MGAT4C: variants seen among roughly 807,000 people sequenced by gnomAD.
The protein encoded by MGAT4C is MGAT4 family member C, also known as alpha-1,3-mannosyl-glycoprotein 4-beta-N-acetylglucosaminyltransferase C.
Under a neutral mutation model 40.1 loss-of-function variants are expected in MGAT4C, and 19 were observed. That is an observed-to-expected ratio of 0.47 (90% CI 0.33 to 0.70). The LOEUF is 0.70. Among genes scored for constraint, MGAT4C ranks in the 30% least tolerant of loss-of-function variants. MGAT4C has a pLI of 0.02. For missense variants in MGAT4C, 491 were observed against 563.2 expected, an observed-to-expected ratio of 0.87 and a Z score of 1.30; for synonymous variants, 181 against 187.1, an observed-to-expected ratio of 0.97 and a Z score of 0.27.
At chr12:86,539,895 T>G in intron 2 of MGAT4C, among the ~76,000 whole-genome samples, 1 of 152,230 alleles carries the variant, frequency 6.6e-6, no homozygotes, top group Non-Finnish European at 1.5e-5. Flanking sequence ...GTAAATTTGT[T>G]TAAGTTCTTT....
At chr12:86,092,708 G>A (rs552194405) in intron 1 of MGAT4C, among the ~76,000 whole-genome samples, 5 of 152,024 alleles carry the variant, frequency 3.3e-5, no homozygotes, top group Admixed American at 1.3e-4. Flanking sequence ...TAGACCCATC[G>A]TCTCTTTATC....
chr12:86,189,777 A>G (rs760371532), intron 1 of MGAT4C, among the ~76,000 whole-genome samples: 1 of 152,022 alleles, frequency 6.6e-6, no homozygotes, highest in African/African-American at 2.4e-5. Flanking sequence ...AGTTGTGGAA[A>G]AACATGGGTA....
chr12:86,304,247 TG>T (rs1480212396), intron 4 of MGAT4C, among the ~76,000 whole-genome samples: 1 of 150,678 alleles, frequency 6.6e-6, no homozygotes, highest in Non-Finnish European at 1.5e-5. Flanking sequence ...AAGCTTTTTT[TG>T]TTGCAAACTT....
At chr12:86,743,653 G>A (rs543184193) in intron 1 of MGAT4C, among the ~76,000 whole-genome samples, 1 of 151,432 alleles carries the variant, frequency 6.6e-6, no homozygotes, top group Non-Finnish European at 1.5e-5. Context: ...TTTACAGATT[G>A]TTAAACAAAG....
At chr12:86,140,555 G>A (rs1273726110) in intron 1 of MGAT4C, among the ~76,000 whole-genome samples, 1 of 152,066 alleles carries the variant, frequency 6.6e-6, no homozygotes, top group Non-Finnish European at 1.5e-5. Context: ...AATACCTAAT[G>A]TAGATGACGG....
At chr12:86,137,607 T>C (rs1280715779) in intron 1 of MGAT4C, among the ~76,000 whole-genome samples, 1 of 152,200 alleles carries the variant, frequency 6.6e-6, no homozygotes, top group African/African-American at 2.4e-5. Flanking sequence ...TCAAGAAAAG[T>C]ATTTAACAAA....
intron 4 of MGAT4C, among the ~76,000 whole-genome samples, chr12:85,982,971 G>C (rs1267264224): frequency 6.6e-6 from 1 of 152,142 alleles, no homozygotes; most frequent in African/African-American, 2.4e-5. Context: ...AAGCTGAAAG[G>C]GGCAAGGATT....
Position 86,517,628 on chromosome 12 carries a change from A to ATTTG in MGAT4C, c.-228-82367_-228-82364dup, listed in dbSNP as rs371515004. Among the ~76,000 whole-genome samples the ATTTG allele has an allele frequency of 3.8e-3, 579 of 150,992 alleles. 5 individuals are homozygous for ATTTG. Among genetic ancestry groups the ATTTG allele is most frequent in the Admixed American group, 0.013 (197 of 15,200 alleles). ...GAGCAAAGTGACTTTTTATTTATTT[A>ATTTG]TTTGTTTGTTTGTTTGTTTGTTTGT... On this transcript the variant is annotated intron_variant, in intron 2 of 7. Transcript: ENST00000548651.
intron 1 of MGAT4C, among the ~76,000 whole-genome samples, chr12:86,090,229 A>G (rs1394468047): frequency 6.6e-6 from 1 of 151,694 alleles, no homozygotes. Flanking sequence ...TAGTACTAAC[A>G]TATATGATGG....
rs1954226187 is a variant in MGAT4C at position 86,316,221 on chromosome 12, T to A, written c.-57+17844A>T. ...CACTAAAATGTCAAAGAAACAGCAA[T>A]GCTGGTGAGGCTGCAGAGGAAAGGG... On this transcript the variant is annotated intron_variant, in intron 4 of 7. Transcript: ENST00000548651. Among the ~76,000 whole-genome samples the A allele has an allele frequency of 2.6e-5, 4 of 151,620 alleles. No individual in the cohort carries two copies. The South Asian group carries it at 8.3e-4, about 31-fold the overall frequency.
intron 2 of MGAT4C, among the ~76,000 whole-genome samples, chr12:86,673,996 T>G (rs1374192103): frequency 6.6e-6 from 1 of 152,042 alleles, no homozygotes; most frequent in African/African-American, 2.4e-5. Context: ...GTGTAATATA[T>G]TCTATCTCCT....
chr12:86,440,889 C>T (rs1214576328), intron 2 of MGAT4C, among the ~76,000 whole-genome samples: 2 of 151,830 alleles, frequency 1.3e-5, no homozygotes, highest in Non-Finnish European at 1.5e-5. Context: ...TAAAAAAAAT[C>T]TAGGAATATG....
chr12:86,423,476 CA>C (rs1418880239), intron 3 of MGAT4C, among the ~76,000 whole-genome samples: 1 of 151,902 alleles, frequency 6.6e-6, no homozygotes, highest in Non-Finnish European at 1.5e-5. Flanking sequence ...TATGATAGAA[CA>C]ACTAAAAATT....
At chr12:86,688,322 A>G (rs962396944) in intron 2 of MGAT4C, among the ~76,000 whole-genome samples, 1 of 151,948 alleles carries the variant, frequency 6.6e-6, no homozygotes, top group African/African-American at 2.4e-5. Context: ...GTGTCTTTTA[A>G]TTGGGGCATT....
At chr12:86,445,454 G>A (rs900682253) in intron 2 of MGAT4C, among the ~76,000 whole-genome samples, 5 of 152,158 alleles carry the variant, frequency 3.3e-5, no homozygotes, top group South Asian at 2.1e-4. Context: ...TGAAAGAACC[G>A]GAAATTAGCA....
intron 2 of MGAT4C, among the ~76,000 whole-genome samples, chr12:86,024,188 A>G (rs1890045631): frequency 6.6e-6 from 1 of 151,848 alleles, no homozygotes; most frequent in Non-Finnish European, 1.5e-5. Context: ...GCTTCAGGTA[A>G]TCATCATTCT....
chr12:86,184,443 T>C (rs1888495409), intron 1 of MGAT4C, among the ~76,000 whole-genome samples: 1 of 152,026 alleles, frequency 6.6e-6, no homozygotes, highest in Non-Finnish European at 1.5e-5. Flanking sequence ...TTTTTACATG[T>C]AACAATTAAC....
At chr12:86,410,081 G>A (rs940131578) in intron 3 of MGAT4C, among the ~76,000 whole-genome samples, 8 of 151,992 alleles carry the variant, frequency 5.3e-5, no homozygotes, top group African/African-American at 1.9e-4. Flanking sequence ...CAAGGCAAAG[G>A]GCAAAGCAAA....
At chr12:86,035,314 A>C (rs1286022266) in intron 2 of MGAT4C, among the ~76,000 whole-genome samples, 4 of 150,158 alleles carry the variant, frequency 2.7e-5, no homozygotes, top group African/African-American at 9.7e-5. Context: ...TTTGCTTTGC[A>C]TTTCTCTAAT....
Sources: allele counts gnomAD v4.1 joint callset (sites outside exome capture counted in the v4.1 genomes callset), GRCh38; gene constraint gnomAD v4.1.1; transcripts MANE v1.5; gene names NCBI Gene and HGNC (gene_info 2026-07-23, HGNC 2026-07-21).